ATP2B2: variants seen among roughly 807,000 people sequenced by gnomAD.
ATP2B2 encodes ATPase plasma membrane Ca2+ transporting 2.
ATP2B2 carries 15 observed loss-of-function variants against 120.0 expected under a neutral mutation model. The ratio of observed to expected loss-of-function variants is 0.12; its 90% CI spans 0.08 to 0.19. The LOEUF (loss-of-function observed/expected upper bound fraction) is 0.19, where lower values mean the gene tolerates loss of function less well. Ranked by LOEUF, ATP2B2 falls within the 10% of genes least tolerant of loss-of-function variation. The pLI, the probability that ATP2B2 is intolerant of heterozygous loss-of-function variation, is 1.00. For missense variants in ATP2B2, 1,045 were observed against 1,719.8 expected, an observed-to-expected ratio of 0.61 and a Z score of 6.94; for synonymous variants, 694 against 700.3, an observed-to-expected ratio of 0.99 and a Z score of 0.14.
chr3:10,501,373 G>GT lies in ATP2B2; in HGVS notation c.-320+4091dup, dbSNP rs71626976. On this transcript the variant is annotated intron_variant, in intron 1 of 22. Transcript: ENST00000360273. ...CATAGCATAACCCATTTTTTAAACG[G>GT]TTTTTTTTTTTTTTTGAGACAGGGT... is the stretch of plus-strand genomic sequence containing the variant. Among the ~76,000 whole-genome samples, 561 of 143,782 alleles carry GT rather than the reference G, an allele frequency of 3.9e-3. 12 individuals are homozygous for GT. Among genetic ancestry groups the GT allele is most frequent in the South Asian group, 0.016 (74 of 4,570 alleles). 94.3% of individuals were successfully genotyped at this position (143,782 alleles called of 152,430 possible).
In ATP2B2 at chr3:10,359,937, G is replaced by A; in HGVS notation, c.1846C>T (p.Pro616Ser). The change falls in exon 13 of 23, where the codon CCC becomes TCC. Residue 616 changes from proline to serine, a missense_variant. Coordinates refer to ENST00000360273, the MANE Select transcript of ATP2B2 (RefSeq NM_001001331.4). ...CTGTACATGCGGAAGCTCTCGTCGG[G>A]CAGCTTGATGACAGTGCTCATGGAC... Reference protein sequence around the residue: ...RKSMSTVIKLPDESFRMYSKG... With the variant: ...RKSMSTVIKLSDESFRMYSKG... 6.2e-7 allele frequency: 1 copy of A among 1,614,200 alleles called. No homozygotes were observed. The highest frequency in any genetic ancestry group is 8.5e-7 in the Non-Finnish European group (1 of 1,180,038).
chr3:10,630,505 T>C (rs1009573639), intron 1 of ATP2B2, among the ~76,000 whole-genome samples: 3 of 152,242 alleles, frequency 2.0e-5, no homozygotes, highest in Admixed American at 6.5e-5. Context: ...CATGATCTTG[T>C]TCTTTTTTAT....
intron 1 of ATP2B2, among the ~76,000 whole-genome samples, chr3:10,659,772 C>T (rs1179649193): frequency 2.0e-5 from 3 of 152,186 alleles, no homozygotes; most frequent in Non-Finnish European, 2.9e-5. Context: ...AACTCTCCAC[C>T]CCAAATCAAC....
At chr3:10,358,584 G>T in intron 14 of ATP2B2, 107 bp downstream of exon 14, 1 of 1,078,106 alleles carries the variant, frequency 9.3e-7, no homozygotes, top group Non-Finnish European at 1.4e-6. Flanking sequence ...TGGGCATTAT[G>T]TGGAAACTGA....
At chr3:10,629,227 G>A (rs1198090003) in intron 1 of ATP2B2, among the ~76,000 whole-genome samples, 1 of 152,220 alleles carries the variant, frequency 6.6e-6, no homozygotes, top group Non-Finnish European at 1.5e-5. Context: ...GCTTGAAGCA[G>A]GAAGGCAGAG....
chr3:10,403,664 C>T (rs1188904151), intron 3 of ATP2B2, among the ~76,000 whole-genome samples: 1 of 152,332 alleles, frequency 6.6e-6, no homozygotes, highest in East Asian at 1.9e-4. Context: ...ATCCTTCCTG[C>T]AAAACTCAGA....
intron 2 of ATP2B2, among the ~76,000 whole-genome samples, chr3:10,539,056 A>G (rs977547177): frequency 1.8e-4 from 27 of 152,358 alleles, no homozygotes; most frequent in Middle Eastern, 3.4e-3. Context: ...ATGTGCAAAA[A>G]TCACAAGCAT....
intron 1 of ATP2B2, among the ~76,000 whole-genome samples, chr3:10,478,072 T>C (rs1427724775): frequency 6.6e-6 from 1 of 152,236 alleles, no homozygotes; most frequent in African/African-American, 2.4e-5. Flanking sequence ...GTGATAGCCA[T>C]CCTAATTGGT....
At chr3:10,688,711 A>G (rs1217067610) in intron 1 of ATP2B2, among the ~76,000 whole-genome samples, 2 of 152,202 alleles carry the variant, frequency 1.3e-5, no homozygotes, top group Admixed American at 1.3e-4. Context: ...CAGCCAAACC[A>G]GCAAAGTCCT....
At chr3:10,677,869 T>C (rs1387053759) in intron 1 of ATP2B2, among the ~76,000 whole-genome samples, 1 of 152,230 alleles carries the variant, frequency 6.6e-6, no homozygotes, top group Admixed American at 6.5e-5. Context: ...TTTCGAGCCA[T>C]AAAGCTCTCT....
intron 3 of ATP2B2, among the ~76,000 whole-genome samples, chr3:10,409,436 C>T (rs572752760): frequency 6.6e-6 from 1 of 151,658 alleles, no homozygotes; most frequent in Admixed American, 6.6e-5. Context: ...AGCAAATCAC[C>T]CTAATTCCCT....
At chr3:10,474,238 G>C (rs1029379650) in intron 1 of ATP2B2, among the ~76,000 whole-genome samples, 3 of 152,098 alleles carry the variant, frequency 2.0e-5, no homozygotes, top group Non-Finnish European at 2.9e-5. Context: ...CAGGCTTTTG[G>C]GGGTGGGTGG....
At chr3:10,679,112 T>C (rs1172393598) in intron 1 of ATP2B2, among the ~76,000 whole-genome samples, 2 of 152,074 alleles carry the variant, frequency 1.3e-5, no homozygotes, top group African/African-American at 2.4e-5. Context: ...CCACCAACCA[T>C]GTGAGCTTGG....
At chr3:10,687,247 A>T (rs1042471493) in intron 1 of ATP2B2, among the ~76,000 whole-genome samples, 12 of 152,192 alleles carry the variant, frequency 7.9e-5, no homozygotes, top group African/African-American at 2.9e-4. Context: ...CATGGGAACA[A>T]CACAAGTACC....
chr3:10,651,464 C>A (rs149646757), intron 1 of ATP2B2, among the ~76,000 whole-genome samples: 1 of 152,180 alleles, frequency 6.6e-6, no homozygotes, highest in Non-Finnish European at 1.5e-5. Flanking sequence ...TCTGCTGCCA[C>A]GTGAGATGTG....
rs1254753920 is a variant in ATP2B2 at position 10,340,995 on chromosome 3, G to A, written c.2918-291C>T. The stretch of plus-strand genomic sequence containing the variant: ...ACGGCCGGCTGTGTTAAAGGTGGGC[G>A]ACATGGCTTCTAAAAAGTGACCTCA... On this transcript the variant is annotated intron_variant, in intron 19 of 22. Transcript: ENST00000360273. The surrounding 1 kb of genome is among the most constrained non-coding windows in gnomAD (Gnocchi z 5.0). Among the ~76,000 whole-genome samples the A allele has an allele frequency of 2.0e-5, 3 of 152,114 alleles. No homozygotes were observed. The highest frequency in any genetic ancestry group is 2.1e-4 in the South Asian group (1 of 4,818).
intron 21 of ATP2B2, among the ~76,000 whole-genome samples, chr3:10,339,939 T>TCAGTAACAGTTCA (rs2060227449): frequency 1.3e-5 from 2 of 152,246 alleles, no homozygotes; most frequent in Non-Finnish European, 2.9e-5. Flanking sequence ...ATTTTTCAGT[T>TCAGTAACAGTTCA]GTCTTAGTAA....
At chr3:10,410,859 A>G (rs1248696932) in intron 2 of ATP2B2, 44 bp from the exon 3 acceptor site, 2 of 1,593,446 alleles carry the variant, frequency 1.3e-6, no homozygotes, top group African/African-American at 2.7e-5. Flanking sequence ...CCTGGGAGAG[A>G]TGCAGGCATG....
At chr3:10,397,538 T>G (rs2062078475) in intron 5 of ATP2B2, among the ~76,000 whole-genome samples, 1 of 151,800 alleles carries the variant, frequency 6.6e-6, no homozygotes, top group Admixed American at 6.6e-5. Context: ...CACAGGGCAG[T>G]GGTGGTCAGG....
Sources: allele counts gnomAD v4.1 joint callset (sites outside exome capture counted in the v4.1 genomes callset), GRCh38; gene constraint gnomAD v4.1.1; non-coding constraint Gnocchi (gnomAD v3.1); transcripts MANE v1.5; gene names NCBI Gene and HGNC (gene_info 2026-07-23, HGNC 2026-07-21).